SPNS1: variants seen among roughly 807,000 people sequenced by gnomAD.
The protein encoded by SPNS1 is SPNS lysolipid transporter 1, lysophospholipid.
SPNS1 carries 22 observed loss-of-function variants against 50.3 expected under a neutral mutation model. The observed-to-expected ratio is 0.44, with a 90% confidence interval of 0.31 to 0.62. The LOEUF (loss-of-function observed/expected upper bound fraction) is 0.62. Among genes scored for constraint, SPNS1 ranks in the 20% least tolerant of loss-of-function variants. The pLI, the probability that SPNS1 is intolerant of heterozygous loss-of-function variation, is 0.07. For synonymous variants in SPNS1, 295 were observed against 317.4 expected, an observed-to-expected ratio of 0.93 and a Z score of 0.75; for missense variants, 576 against 728.6, an observed-to-expected ratio of 0.79 and a Z score of 2.41.
chr16:28,978,333 T>G, intron 3 of SPNS1: 3 of 313,336 alleles, frequency 9.6e-6, no homozygotes, highest in Non-Finnish European at 1.8e-5. Flanking sequence ...CCTCCTCTCA[T>G]TCCTGATCAG....
At position 28,981,263 on chromosome 16, in the gene SPNS1, A is replaced by G. The variant is rs577131809; in HGVS notation, c.664-207A>G. 2.6e-5 allele frequency among the ~76,000 whole-genome samples: 4 copies of G among 152,348 alleles called. 1 individual carries two copies. The highest frequency in any genetic ancestry group is 9.6e-5 in the African/African-American group (4 of 41,584). On this transcript the variant is annotated intron_variant, in intron 5 of 11. Transcript: ENST00000311008. The surrounding 1 kb of genome is among the most constrained non-coding windows in gnomAD (Gnocchi z 4.2). ...TGGTTTCCCAAAAGAAAATTACCAA[A>G]GAGGAGACAAAGCTAGGCTTGCAAA...
Position 28,983,824 on chromosome 16 carries a change from C to T in SPNS1, c.1359C>T (p.Phe453=), listed in dbSNP as rs4788114. The T allele has an allele frequency of 0.078, 125,788 of 1,603,782 alleles. 6,269 individuals carry two copies. Among genetic ancestry groups the T allele is most frequent in the Admixed American group, 0.22 (13,136 of 59,642 alleles). The change falls in exon 11 of 12, where the codon TTC becomes TTT. Residue 453 remains phenylalanine (F), a synonymous_variant. Transcript: ENST00000311008. The surrounding 1 kb of genome is among the most constrained non-coding windows in gnomAD (Gnocchi z 5.4). The part of the protein sequence containing the change: ...DRLRRNWPPS[F]LSEFRALQFS... ...TGCGCCGGAACTGGCCCCCCTCCTT[C>T]TTGTCCGAGTTCCGGGCTCTGCAGT...
At chr16:28,982,137 G>T (rs1197701034) in intron 7 of SPNS1, 81 bp downstream of exon 7, 10 of 1,529,016 alleles carry the variant, frequency 6.5e-6, no homozygotes, top group Non-Finnish European at 8.0e-6. Flanking sequence ...ACCCAGGCAG[G>T]GAGTTTGACT....
rs1475536859 is a variant in SPNS1 at position 28,979,138 on chromosome 16, C to G, written c.445-17C>G. The G allele has an allele frequency of 1.9e-6, 3 of 1,610,570 alleles. No individual in the cohort carries two copies. On this transcript the variant is annotated splice_polypyrimidine_tract_variant and intron_variant, in intron 3 of 11. Transcript: ENST00000311008. The stretch of plus-strand genomic sequence containing the variant: ...TTGCAGGCTGGGGTGCCACCTCTCC[C>G]CGGTCTCTCTCCCCAGCATTTCTGG...
Position 28,981,942 on chromosome 16 carries a change from C to T in SPNS1, c.851C>T (p.Ala284Val), listed in dbSNP as rs1199004469. The T allele has an allele frequency of 1.2e-6, 2 of 1,614,128 alleles. No individual in the cohort carries two copies. Among genetic ancestry groups the T allele is most frequent in the Non-Finnish European group, 1.7e-6 (2 of 1,180,056 alleles). ...TCTTCCCTGGGCTTCACTGCTGTGG[C>T]CTTTGTCACGGGCTCCCTGGCTCTG... ...VLSSLGFTAV[A>V]FVTGSLALWA... Residue 284 changes from alanine (A) to valine (V), a missense_variant, in exon 7 of 12, where the codon GCC (alanine) becomes GTC (valine). Coordinates refer to ENST00000311008, the MANE Select transcript of SPNS1 (RefSeq NM_032038.3). This position sits in a 1 kb window ranked among gnomAD's most constrained non-coding sequence, Gnocchi z 4.2.
In SPNS1 at chr16:28,983,933, C is replaced by T. The variant is rs373796041; in HGVS notation, c.1468C>T (p.Arg490Trp). Residue 490 changes from arginine (R) to tryptophan (W), a missense_variant, in exon 11 of 12, where the codon CGG becomes TGG. By Grantham distance (101) the Arg-to-Trp change is moderately radical. Transcript: ENST00000311008. This position sits in a 1 kb window ranked among gnomAD's most constrained non-coding sequence, Gnocchi z 5.4. ...CGCCATCTTCATTGAGGCCGACCGC[C>T]GGCGGGCACAGCTGCACGTGCAGGG... Reference protein sequence around the residue: ...GTAIFIEADRRRAQLHVQGLL... With the variant: ...GTAIFIEADRWRAQLHVQGLL... 1.5e-5 allele frequency: 24 copies of T among 1,592,932 alleles called. No individual in the cohort carries two copies. The highest frequency in any genetic ancestry group is 1.7e-4 in the Middle Eastern group (1 of 6,040).
At position 28,983,052 on chromosome 16, in the gene SPNS1, AC is replaced by A; in HGVS notation, c.1221+135del. 2 of 1,244,624 alleles carry A rather than the reference AC, an allele frequency of 1.6e-6. No homozygotes were observed. Among genetic ancestry groups the A allele is most frequent in the Non-Finnish European group, 2.3e-6 (2 of 865,158 alleles). The allele number at this position is 1,244,624 out of a possible 1,614,324, so 77.1% of individuals were successfully genotyped here. On this transcript the variant is annotated intron_variant, in intron 9 of 11. Transcript: ENST00000311008. This position sits in a 1 kb window ranked among gnomAD's most constrained non-coding sequence, Gnocchi z 5.4. Reference sequence around the variant, plus strand: ...CTGCAATAAATAACATCTGTAGCAGACCCCCGGCCTGCCCTGCGACCTCAAC... The same window carrying A: ...CTGCAATAAATAACATCTGTAGCAGACCCCGGCCTGCCCTGCGACCTCAAC...
At chr16:28,976,098 C>T (rs1377741691) in intron 2 of SPNS1, among the ~76,000 whole-genome samples, 1 of 152,020 alleles carries the variant, frequency 6.6e-6, no homozygotes, top group Non-Finnish European at 1.5e-5. Context: ...ATGACGAAAC[C>T]CCATCTGTAC....
chr16:28,982,730 A>G (rs1480602635), intron 8 of SPNS1, 127 bp from the exon 9 acceptor site: 4 of 1,245,294 alleles, frequency 3.2e-6, no homozygotes, highest in Non-Finnish European at 4.6e-6. Flanking sequence ...AAATGGGGAT[A>G]TTAGTAGCAC....
chr16:28,982,943 A>T, intron 9 of SPNS1, 21 bp downstream of exon 9: 1 of 1,613,280 alleles, frequency 6.2e-7, no homozygotes, highest in South Asian at 1.1e-5. Context: ...GGGCAGCTCC[A>T]GGGTCAGCGC....
chr16:28,979,121 T>C (rs745933867), intron 3 of SPNS1, 34 bp from the exon 4 acceptor site: 1 of 1,601,308 alleles, frequency 6.2e-7, no homozygotes, highest in South Asian at 1.1e-5. Context: ...GGTTGCAGGC[T>C]GGGGTGCCAC....
At chr16:28,977,330 AAAAG>A (rs1965378288) in intron 2 of SPNS1, among the ~76,000 whole-genome samples, 3 of 151,676 alleles carry the variant, frequency 2.0e-5, no homozygotes, top group South Asian at 2.1e-4. Flanking sequence ...AAAAAAAAAA[AAAAG>A]AGAAAAAAGT....
At position 28,981,496 on chromosome 16, in the gene SPNS1, C is replaced by T. The variant is rs144710506; in HGVS notation, c.690C>T (p.Ala230=). The stretch of plus-strand genomic sequence containing the variant: ...TGACACCGGGTCTAGGAGTGGTGGC[C>T]GTTCTGCTGCTGTTCCTGGTAGTGC... ...LRVTPGLGVV[A]VLLLFLVVRE... Residue 230 remains alanine, a synonymous_variant, in exon 6 of 12, where the codon GCC becomes GCT. Transcript: ENST00000311008. The surrounding 1 kb of genome is among the most constrained non-coding windows in gnomAD (Gnocchi z 4.2). 1.2e-4 allele frequency: 187 copies of T among 1,613,954 alleles called. No individual in the cohort carries two copies. The highest frequency in any genetic ancestry group is 1.4e-4 in the Non-Finnish European group (169 of 1,180,020).
At position 28,981,975 on chromosome 16, in the gene SPNS1, C is replaced by T. The variant is rs532305655; in HGVS notation, c.884C>T (p.Pro295Leu). ...ACGGGCTCCCTGGCTCTGTGGGCTC[C>T]GGCATTCCTGCTGCGTTCCCGCGTG... is the stretch of plus-strand genomic sequence containing the variant. ...FVTGSLALWAPAFLLRSRVVL... is the reference protein window; with the variant it reads ...FVTGSLALWALAFLLRSRVVL... Residue 295 changes from proline (P) to leucine (L), a missense_variant, in exon 7 of 12, where the codon CCG (proline) becomes CTG (leucine). Pro to Leu is a moderately conservative substitution (Grantham distance 98). Transcript: ENST00000311008. The surrounding 1 kb of genome is among the most constrained non-coding windows in gnomAD (Gnocchi z 4.2). 1.2e-6 allele frequency: 2 copies of T among 1,614,116 alleles called. No homozygotes were observed. Among genetic ancestry groups the T allele is most frequent in the Non-Finnish European group, 1.7e-6 (2 of 1,180,058 alleles).
At chr16:28,984,106 CTG>C in intron 11 of SPNS1, 97 bp from the exon 12 acceptor site, 3 of 1,432,622 alleles carry the variant, frequency 2.1e-6, no homozygotes, top group Non-Finnish European at 2.8e-6. Context: ...TGGGGTGGCT[CTG>C]TGGCTGCCCC....
In SPNS1 at chr16:28,982,211, G is replaced by A. The variant is rs147790075; in HGVS notation, c.966-145G>A. On this transcript the variant is annotated intron_variant, in intron 7 of 11. Transcript: ENST00000311008. ...TTTCCTGGTCTGGGAAATAAGTGATGGGATGATGTCTGCCACTCAGGGCTG... is the reference window on the plus strand; with the variant it reads ...TTTCCTGGTCTGGGAAATAAGTGATAGGATGATGTCTGCCACTCAGGGCTG... 567 of 1,351,448 alleles carry A rather than the reference G, an allele frequency of 4.2e-4. 3 individuals carry two copies. In the African/African-American group the frequency reaches 7.1e-3, roughly 17 times the overall value. The allele number at this position is 1,351,448 out of a possible 1,614,324, so 83.7% of individuals were successfully genotyped here. A position where few individuals can be genotyped will look rare whatever the true frequency, so the allele number is the denominator to read the frequency against.
chr16:28,982,159 A>C, intron 7 of SPNS1, 103 bp downstream of exon 7: 1 of 1,452,542 alleles, frequency 6.9e-7, no homozygotes, highest in East Asian at 2.4e-5. Flanking sequence ...CTGACTTCAC[A>C]AGCTGCCTGC....
rs771534253 is a variant in SPNS1 at position 28,983,148 on chromosome 16, C to T, written c.1222-44C>T. 1.8e-5 allele frequency: 27 copies of T among 1,501,920 alleles called. No individual in the cohort carries two copies. In the South Asian group the frequency reaches 2.9e-4, roughly 16 times the overall value. 93.0% of individuals were successfully genotyped at this position (1,501,920 alleles called of 1,614,324 possible). On this transcript the variant is annotated intron_variant, in intron 9 of 11. Transcript: ENST00000311008. The surrounding 1 kb of genome is among the most constrained non-coding windows in gnomAD (Gnocchi z 5.4). ...CTCCTGGCCCCCTGCCTCCTGCCCC[C>T]TGGAGCCCAGAGCATCCACTGAGCT...
Position 28,984,200 on chromosome 16 carries a change from C to A in SPNS1, c.1493-5C>A. ...CTCACCCTGGCTCTGACCCTCCCCC[C>A]TCAGGCCTGCTGCACGAAGCAGGGT... On this transcript the variant is annotated splice_polypyrimidine_tract_variant and splice_region_variant and intron_variant, in intron 11 of 11. Transcript: ENST00000311008. 1.3e-6 allele frequency: 2 copies of A among 1,564,504 alleles called. No homozygotes were observed. Among genetic ancestry groups the A allele is most frequent in the Non-Finnish European group, 1.7e-6 (2 of 1,153,616 alleles).
Sources: gnomAD v4.1 joint callset for allele counts (sites outside exome capture counted in the v4.1 genomes callset) on GRCh38, gnomAD v4.1.1 for gene constraint, Gnocchi (gnomAD v3.1) non-coding constraint, MANE v1.5 for transcripts, NCBI Gene and HGNC (gene_info 2026-07-23, HGNC 2026-07-21) for gene names.